Variants in OSBPL6 observed in about 807,000 individuals in gnomAD.
The protein encoded by OSBPL6 is oxysterol binding protein like 6.
In OSBPL6, 49 loss-of-function variants were observed where a neutral mutation model predicts 125.8. The ratio of observed to expected loss-of-function variants is 0.39; its 90% CI spans 0.31 to 0.49. The LOEUF is 0.49. Ranked by LOEUF, OSBPL6 falls within the 20% of genes least tolerant of loss-of-function variation. The pLI is 0.88. For synonymous variants in OSBPL6, 394 were observed against 391.8 expected, an observed-to-expected ratio of 1.01 and a Z score of -0.07; for missense variants, 986 against 1,135.4, an observed-to-expected ratio of 0.87 and a Z score of 1.89.
chr2:178,320,197 C>G (rs1248293626), intron 3 of OSBPL6: 19 of 1,471,332 alleles, frequency 1.3e-5, no homozygotes, highest in Non-Finnish European at 1.6e-5. Flanking sequence ...GTCTGTTTAC[C>G]TATGTCTTTG....
intron 1 of OSBPL6, among the ~76,000 whole-genome samples, chr2:178,267,215 A>G (rs1277479992): frequency 2.0e-5 from 3 of 152,016 alleles, no homozygotes; most frequent in African/African-American, 4.8e-5. Context: ...TTAGCCGGGC[A>G]TGGTGGCTTG....
chr2:178,298,600 T>C (rs1685970019), intron 2 of OSBPL6, among the ~76,000 whole-genome samples: 1 of 152,150 alleles, frequency 6.6e-6, no homozygotes, highest in Admixed American at 6.5e-5. Context: ...ATGTTTTGTA[T>C]TTTTATTAGA....
intron 1 of OSBPL6, among the ~76,000 whole-genome samples, chr2:178,249,771 C>T (rs183635613): frequency 6.9e-4 from 104 of 151,116 alleles, no homozygotes; most frequent in African/African-American, 2.4e-3. Context: ...GACTGACTTT[C>T]GAGCCAATTT....
intron 1 of OSBPL6, among the ~76,000 whole-genome samples, chr2:178,228,309 G>A (rs1470046927): frequency 6.6e-6 from 1 of 152,226 alleles, no homozygotes; most frequent in Non-Finnish European, 1.5e-5. Context: ...GCCAAGGTGG[G>A]CATATCATGA....
intron 1 of OSBPL6, among the ~76,000 whole-genome samples, chr2:178,213,279 A>G (rs1458923746): frequency 2.6e-5 from 4 of 152,116 alleles, no homozygotes; most frequent in Non-Finnish European, 5.9e-5. Context: ...AAATTTATCT[A>G]TCTGGGCCAG....
At chr2:178,250,676 C>T (rs762729687) in intron 1 of OSBPL6, among the ~76,000 whole-genome samples, 6 of 152,160 alleles carry the variant, frequency 3.9e-5, no homozygotes, top group Admixed American at 6.5e-5. Context: ...TCCAACTGAA[C>T]GACTTCTGCT....
intron 11 of OSBPL6, among the ~76,000 whole-genome samples, chr2:178,341,333 C>CTT (rs60436384): frequency 0.2 from 23,836 of 117,230 alleles, 2,398 homozygotes; most frequent in Admixed American, 0.32. Context: ...CCAAATCATT[C>CTT]TTTTTTTTTT....
rs559257319 is a variant in OSBPL6 at position 178,253,912 on chromosome 2, A to AT, written c.-350-31014dup. Reference sequence around the variant, plus strand: ...CCCTCCTGAGTGGGTTAATGGATTAATGTGTTATCATGGCAATAGGACTGA... The same window carrying AT: ...CCCTCCTGAGTGGGTTAATGGATTAATTGTGTTATCATGGCAATAGGACTGA... On this transcript the variant is annotated intron_variant, in intron 1 of 24. Coordinates refer to ENST00000190611, the MANE Select transcript of OSBPL6 (RefSeq NM_032523.4). Among the ~76,000 whole-genome samples, 312 of 152,254 alleles carry AT rather than the reference A, an allele frequency of 2.0e-3. 2 individuals are homozygous for AT. The highest frequency in any genetic ancestry group is 7.3e-3 in the African/African-American group (305 of 41,550).
chr2:178,304,410 A>G (rs1686571387), intron 2 of OSBPL6, among the ~76,000 whole-genome samples: 1 of 152,204 alleles, frequency 6.6e-6, no homozygotes. Context: ...GCCAAACAAA[A>G]GAGGAGAAAG....
intron 1 of OSBPL6, among the ~76,000 whole-genome samples, chr2:178,243,114 C>T (rs141250013): frequency 6.6e-6 from 1 of 152,060 alleles, no homozygotes; most frequent in Non-Finnish European, 1.5e-5. Flanking sequence ...TGTACATTCT[C>T]AGTATGTAAT....
intron 1 of OSBPL6, among the ~76,000 whole-genome samples, chr2:178,200,984 T>C (rs933340751): frequency 9.9e-5 from 15 of 151,956 alleles, no homozygotes; most frequent in East Asian, 3.9e-4. Flanking sequence ...TTAGTAGAGA[T>C]GGGGTTTCAC....
In OSBPL6 at chr2:178,343,772, G is replaced by A. The variant is rs141979506; in HGVS notation, c.987+4008G>A. Among the ~76,000 whole-genome samples, 9 of 152,062 alleles carry A rather than the reference G, an allele frequency of 5.9e-5. No homozygotes were observed. In the South Asian group the frequency reaches 1.5e-3, roughly 25 times the overall value. On this transcript the variant is annotated intron_variant, in intron 11 of 24. Transcript: ENST00000190611. ...ATAATAGGAGATTAAGTAGGAAGTC[G>A]AAGAACCCTCATACCCTTCCCTTAC... is the stretch of plus-strand genomic sequence containing the variant.
At chr2:178,215,501 A>G (rs973514973) in intron 1 of OSBPL6, among the ~76,000 whole-genome samples, 4 of 152,198 alleles carry the variant, frequency 2.6e-5, no homozygotes, top group Non-Finnish European at 4.4e-5. Context: ...TGGTAGACAA[A>G]TAAGTAAAAC....
chr2:178,303,949 C>G (rs1278123275), intron 2 of OSBPL6, among the ~76,000 whole-genome samples: 1 of 152,148 alleles, frequency 6.6e-6, no homozygotes, highest in Non-Finnish European at 1.5e-5. Context: ...GGTTACGTCT[C>G]GATGGCTTCT....
chr2:178,388,994 T>TA lies in OSBPL6; in HGVS notation c.2157-14dup, dbSNP rs1208197155. The stretch of plus-strand genomic sequence containing the variant: ...GACCTTGGTTGTTTTTCATCAGTGT[T>TA]ACATTCTTCACTAGGTATGGAGATT... On this transcript the variant is annotated splice_polypyrimidine_tract_variant and intron_variant, in intron 20 of 24. Coordinates refer to ENST00000190611, the MANE Select transcript of OSBPL6 (RefSeq NM_032523.4). 1 of 1,612,868 alleles carries TA rather than the reference T, an allele frequency of 6.2e-7. No homozygotes were observed. The highest frequency in any genetic ancestry group is 2.2e-5 in the East Asian group (1 of 44,814).
intron 8 of OSBPL6, among the ~76,000 whole-genome samples, chr2:178,334,504 C>T (rs531559883): frequency 2.6e-5 from 4 of 152,188 alleles, no homozygotes; most frequent in Middle Eastern, 3.4e-3. Flanking sequence ...TCAAACCTTA[C>T]GTTATTTATT....
At chr2:178,194,495 C>T (rs2088730599), upstream of OSBPL6, 1 of 151,734 alleles carries the variant, frequency 6.6e-6, no homozygotes, top group African/African-American at 2.4e-5. Context: ...AGGCGCAGCA[C>T]GGTCGCCGCC....
chr2:178,330,788 C>G (rs752324297), intron 5 of OSBPL6, among the ~76,000 whole-genome samples: 1 of 152,018 alleles, frequency 6.6e-6, no homozygotes, highest in Non-Finnish European at 1.5e-5. Flanking sequence ...TTGACCGGGC[C>G]CTGGGAGCTG....
At chr2:178,279,176 A>G (rs2092528308) in intron 1 of OSBPL6, among the ~76,000 whole-genome samples, 1 of 152,148 alleles carries the variant, frequency 6.6e-6, no homozygotes, top group Non-Finnish European at 1.5e-5. Flanking sequence ...ATTTTGCATT[A>G]TATGCATTTA....
Sources: gnomAD v4.1 joint callset for allele counts (sites outside exome capture counted in the v4.1 genomes callset) on GRCh38, gnomAD v4.1.1 for gene constraint, MANE v1.5 for transcripts, NCBI Gene and HGNC (gene_info 2026-07-23, HGNC 2026-07-21) for gene names.